The following KLHL1 variants were observed in gnomAD, a reference collection of about 807,000 sequenced individuals.
KLHL1 encodes kelch like family member 1, also known as kelch-like protein 1.
In KLHL1, 47 loss-of-function variants were observed where a neutral mutation model predicts 77.7. The observed-to-expected ratio is 0.60, with a 90% CI of 0.48 to 0.77. The LOEUF is 0.77. Among genes scored for constraint, KLHL1 ranks in the 30% least tolerant of loss-of-function variants. KLHL1 has a pLI of 0.00. For missense variants in KLHL1, 925 were observed against 910.8 expected, an observed-to-expected ratio of 1.02 and a Z score of -0.20; for synonymous variants, 360 against 325.2, an observed-to-expected ratio of 1.11 and a Z score of -1.15.
chr13:69,757,818 G>A (rs760779076), intron 7 of KLHL1, among the ~76,000 whole-genome samples: 4 of 151,890 alleles, frequency 2.6e-5, no homozygotes, highest in African/African-American at 9.6e-5. Context: ...TTAGCTTGGC[G>A]TGGTGGCAGG....
intron 1 of KLHL1, among the ~76,000 whole-genome samples, chr13:69,994,276 C>A (rs1303568720): frequency 6.6e-6 from 1 of 152,034 alleles, no homozygotes; most frequent in Admixed American, 6.6e-5. Context: ...AGGAGTGGAG[C>A]TCTGAGACTT....
chr13:70,051,776 A>C (rs964694857), intron 1 of KLHL1, among the ~76,000 whole-genome samples: 2 of 152,016 alleles, frequency 1.3e-5, no homozygotes, highest in African/African-American at 4.8e-5. Context: ...TCTTACTGAC[A>C]TTATGGATTG....
chr13:69,965,805 T>C (rs1345258152), intron 2 of KLHL1, among the ~76,000 whole-genome samples: 1 of 152,082 alleles, frequency 6.6e-6, no homozygotes, highest in African/African-American at 2.4e-5. Flanking sequence ...AAGTGAGTGG[T>C]CTGGGCAGAA....
intron 4 of KLHL1, among the ~76,000 whole-genome samples, chr13:69,909,984 C>A (rs1882181613): frequency 6.6e-6 from 1 of 152,028 alleles, no homozygotes; most frequent in Admixed American, 6.6e-5. Context: ...GCAAATCTCA[C>A]TGTCTAAAAT....
rs930065699 is a variant in KLHL1 at position 69,896,671 on chromosome 13, T to A, written c.1015-14176A>T. Among the ~76,000 whole-genome samples the A allele has an allele frequency of 8.1e-5, 9 of 111,698 alleles. No individual in the cohort carries two copies. The South Asian group carries it at 1.2e-3, about 15-fold the overall frequency. 73.3% of individuals were successfully genotyped at this position (111,698 alleles called of 152,430 possible). ...TGGCTTTACCGTCAAAGTATTAAAA[T>A]TTTTTTTTTTTTTTTGAGACAGAGT... On this transcript the variant is annotated intron_variant, in intron 4 of 10. Coordinates refer to ENST00000377844, the MANE Select transcript of KLHL1 (RefSeq NM_020866.3).
intron 7 of KLHL1, among the ~76,000 whole-genome samples, chr13:69,783,516 C>T (rs1382157533): frequency 6.6e-6 from 1 of 151,958 alleles, no homozygotes; most frequent in African/African-American, 2.4e-5. Flanking sequence ...GGCTTGAGAA[C>T]TACGTGAAGA....
chr13:69,830,455 A>G lies in KLHL1; in HGVS notation c.1414+8521T>C, dbSNP rs1042873208. Among the ~76,000 whole-genome samples, 5 of 150,206 alleles carry G rather than the reference A, an allele frequency of 3.3e-5. 1 individual carries two copies. Among genetic ancestry groups the G allele is most frequent in the African/African-American group, 1.2e-4 (5 of 40,048 alleles). On this transcript the variant is annotated intron_variant, in intron 6 of 10. Transcript: ENST00000377844. ...GAGGTCCCAAATTTATAAAACAATT[A>G]CTACTAGACCTAAGAAATGATATAG...
chr13:69,850,245 A>G (rs1879632166), intron 5 of KLHL1, among the ~76,000 whole-genome samples: 1 of 151,636 alleles, frequency 6.6e-6, no homozygotes, highest in East Asian at 1.9e-4. Flanking sequence ...TTCTATTTTT[A>G]TTGATGATTT....
intron 5 of KLHL1, among the ~76,000 whole-genome samples, chr13:69,842,392 G>A (rs765041315): frequency 8.6e-5 from 13 of 151,658 alleles, no homozygotes; most frequent in Non-Finnish European, 1.8e-4. Context: ...ACATGACTAG[G>A]TATTTCTCTA....
chr13:69,900,321 G>A (rs12429555), intron 4 of KLHL1, among the ~76,000 whole-genome samples: 8,972 of 152,166 alleles, frequency 0.059, 337 homozygotes, highest in African/African-American at 0.094. Context: ...GAAACTTCAC[G>A]TTAAACACCA....
intron 4 of KLHL1, among the ~76,000 whole-genome samples, chr13:69,925,621 T>C (rs529117913): frequency 6.6e-6 from 1 of 152,332 alleles, no homozygotes; most frequent in South Asian, 2.1e-4. Context: ...TGAAATTATA[T>C]ATTAATTTGC....
chr13:69,891,283 G>A (rs1021068995), intron 4 of KLHL1, among the ~76,000 whole-genome samples: 2 of 151,860 alleles, frequency 1.3e-5, no homozygotes, highest in Admixed American at 6.6e-5. Context: ...CTAATGCATA[G>A]TAACTATATT....
intron 9 of KLHL1, among the ~76,000 whole-genome samples, chr13:69,709,622 A>G (rs551864029): frequency 4.2e-5 from 6 of 141,696 alleles, no homozygotes; most frequent in African/African-American, 1.6e-4. Context: ...AGTTTTTATT[A>G]GCAGAATAAT....
chr13:69,796,401 T>C (rs1202958486), intron 7 of KLHL1, among the ~76,000 whole-genome samples: 1 of 152,008 alleles, frequency 6.6e-6, no homozygotes, highest in African/African-American at 2.4e-5. Flanking sequence ...GGTAATGAGG[T>C]CTTGTTCTAT....
chr13:69,897,791 G>A (rs1881701862), intron 4 of KLHL1, among the ~76,000 whole-genome samples: 1 of 152,150 alleles, frequency 6.6e-6, no homozygotes, highest in South Asian at 2.1e-4. Context: ...TAGAAGCCCT[G>A]CAAGCCACCC....
At chr13:69,935,215 A>AACTTGGTACATAGTTCACCCACTGGTGT (rs1883144636) in intron 4 of KLHL1, among the ~76,000 whole-genome samples, 1 of 151,198 alleles carries the variant, frequency 6.6e-6, no homozygotes, top group African/African-American at 2.4e-5. Context: ...GGTACTGGTG[A>AACTTGGTACATAGTTCACCCACTGGTGT]ACTTGGTACA....
chr13:69,896,174 C>G (rs1881630581), intron 4 of KLHL1, among the ~76,000 whole-genome samples: 1 of 152,142 alleles, frequency 6.6e-6, no homozygotes, highest in Non-Finnish European at 1.5e-5. Context: ...TCTTTACACA[C>G]AGCAATGGCA....
chr13:69,955,554 T>C (rs1196598246), intron 3 of KLHL1, among the ~76,000 whole-genome samples: 1 of 151,210 alleles, frequency 6.6e-6, no homozygotes, highest in Non-Finnish European at 1.5e-5. Flanking sequence ...TGCAATTCCA[T>C]CTCCCATATT....
At chr13:69,990,194 A>T (rs936210896) in intron 1 of KLHL1, among the ~76,000 whole-genome samples, 2 of 151,896 alleles carry the variant, frequency 1.3e-5, no homozygotes, top group Non-Finnish European at 2.9e-5. Flanking sequence ...AGATGGAAAG[A>T]CCATTACCAG....
Sources: allele counts gnomAD v4.1 joint callset (sites outside exome capture counted in the v4.1 genomes callset), GRCh38; gene constraint gnomAD v4.1.1; transcripts MANE v1.5; gene names NCBI Gene and HGNC (gene_info 2026-07-23, HGNC 2026-07-21).